The following S100Z variants were observed in gnomAD, a reference collection of about 807,000 sequenced individuals.
The protein encoded by S100Z is S100 calcium binding protein Z.
Under a neutral mutation model 8.5 loss-of-function variants are expected in S100Z, and 11 were observed. The ratio of observed to expected loss-of-function variants is 1.30; its 90% CI spans 0.82 to 2.15. The LOEUF (loss-of-function observed/expected upper bound fraction) is 2.15. Among genes scored for constraint, S100Z ranks in the 30% most tolerant of loss-of-function variants. S100Z has a pLI of 0.00. For missense variants in S100Z, 126 were observed against 117.9 expected (o/e 1.07, Z -0.32); for synonymous variants, 34 against 43.8 (o/e 0.78, Z 0.89).
intron 1 of S100Z, among the ~76,000 whole-genome samples, chr5:76,860,477 G>C (rs1751024116): frequency 6.6e-6 from 1 of 152,108 alleles, no homozygotes; most frequent in Admixed American, 6.5e-5. Context: ...CTGCTCAAGA[G>C]GGGCTGATGG....
chr5:76,855,362 G>A (rs551006365), intron 1 of S100Z, among the ~76,000 whole-genome samples: 44 of 152,288 alleles, frequency 2.9e-4, no homozygotes, highest in African/African-American at 1.0e-3. Context: ...GAAAACAGAT[G>A]CCAGCCTGTG....
chr5:76,902,279 A>G (rs1166855010), intron 4 of S100Z, among the ~76,000 whole-genome samples: 1 of 152,176 alleles, frequency 6.6e-6, no homozygotes, highest in Non-Finnish European at 1.5e-5. Context: ...GTTCAGTCAC[A>G]GGACTCACTG....
chr5:76,902,658 G>GT (rs59812378), intron 4 of S100Z, among the ~76,000 whole-genome samples: 8 of 146,996 alleles, frequency 5.4e-5, no homozygotes, highest in Admixed American at 1.4e-4. Context: ...GTTGTTGTTT[G>GT]TTTTTTTTTC....
intron 4 of S100Z, among the ~76,000 whole-genome samples, chr5:76,898,895 T>C (rs1006863866): frequency 6.6e-6 from 1 of 151,820 alleles, no homozygotes; most frequent in Admixed American, 6.6e-5. Flanking sequence ...TTTGATAGAA[T>C]TCATCAGTGA....
At chr5:76,856,385 A>AG (rs1429490887) in intron 1 of S100Z, among the ~76,000 whole-genome samples, 2 of 152,162 alleles carry the variant, frequency 1.3e-5, no homozygotes, top group Non-Finnish European at 2.9e-5. Flanking sequence ...TTTTTAGTAG[A>AG]GATGGGGTTT....
chr5:76,922,328 G>A (rs1426078139), downstream of S100Z, among the ~76,000 whole-genome samples: 1 of 152,200 alleles, frequency 6.6e-6, no homozygotes, highest in East Asian at 1.9e-4. Flanking sequence ...GATGTTGGAA[G>A]TCATCACCAT....
chr5:76,928,659 T>C, the S100Z span, among the ~76,000 whole-genome samples: 1 of 152,242 alleles, frequency 6.6e-6, no homozygotes, highest in Admixed American at 6.5e-5. Context: ...TCTTTTCATA[T>C]CCAGATGGGA....
At chr5:76,863,629 C>T (rs924997159) in intron 1 of S100Z, among the ~76,000 whole-genome samples, 2 of 152,190 alleles carry the variant, frequency 1.3e-5, no homozygotes, top group Admixed American at 6.5e-5. Context: ...AGCTCCGCCT[C>T]CCGGGTTCAC....
chr5:76,949,392 A>G, the S100Z span, among the ~76,000 whole-genome samples: 3 of 152,064 alleles, frequency 2.0e-5, no homozygotes, highest in South Asian at 4.1e-4. Context: ...CCATCTCAAA[A>G]AAAAAATAAT....
chr5:76,876,308 T>C (rs767313530), intron 3 of S100Z, among the ~76,000 whole-genome samples: 5 of 152,142 alleles, frequency 3.3e-5, no homozygotes, highest in Non-Finnish European at 7.4e-5. Context: ...TTCACGACAT[T>C]TTTATAGTGA....
At chr5:76,922,022 C>T (rs1406330049), downstream of S100Z, among the ~76,000 whole-genome samples, 2 of 151,610 alleles carry the variant, frequency 1.3e-5, no homozygotes, top group Non-Finnish European at 2.9e-5. Context: ...AAAGCAAATC[C>T]TAGGTACCAT....
intron 4 of S100Z, among the ~76,000 whole-genome samples, chr5:76,894,922 T>C (rs1438216659): frequency 6.6e-6 from 1 of 152,166 alleles, no homozygotes; most frequent in Non-Finnish European, 1.5e-5. Flanking sequence ...ATTTTGATGT[T>C]TCAACAATGA....
intron 4 of S100Z, among the ~76,000 whole-genome samples, chr5:76,906,976 G>GTATATATA (rs869046562): frequency 1.1e-3 from 24 of 21,754 alleles, no homozygotes; most frequent in Non-Finnish European, 1.6e-3. Context: ...TTGTGTGTGT[G>GTATATATA]TATATATATA....
chr5:76,875,523 C>G (rs752179841), intron 3 of S100Z, 23 bp downstream of exon 3: 1 of 1,588,170 alleles, frequency 6.3e-7, no homozygotes, highest in African/African-American at 1.4e-5. Context: ...TTTGTAAATG[C>G]TGTATTCATT....
In S100Z at chr5:76,875,512, C is replaced by G. The variant is rs201885364; in HGVS notation, c.141+12C>G. On this transcript the variant is annotated intron_variant, in intron 3 of 4. Transcript: ENST00000317593. ...CGGAATTCCTCTCGGTGAGTCAGGC[C>G]TTTGTAAATGCTGTATTCATTTGAG... The G allele has an allele frequency of 6.3e-7, 1 of 1,598,136 alleles. No homozygotes were observed. The highest frequency in any genetic ancestry group is 2.2e-5 in the East Asian group (1 of 44,600).
chr5:76,864,670 C>G (rs1407308391), intron 1 of S100Z, among the ~76,000 whole-genome samples: 1 of 152,020 alleles, frequency 6.6e-6, no homozygotes, highest in Non-Finnish European at 1.5e-5. Context: ...TCCCAGAGTG[C>G]TGGGATTATA....
chr5:76,872,557 T>A (rs529831679), intron 2 of S100Z, among the ~76,000 whole-genome samples: 54 of 150,076 alleles, frequency 3.6e-4, no homozygotes, highest in African/African-American at 1.3e-3. Context: ...GCTACTCAGG[T>A]GGCTGAAGCA....
intron 2 of S100Z, among the ~76,000 whole-genome samples, chr5:76,871,520 C>CTTT (rs565094996): frequency 4.8e-5 from 6 of 125,126 alleles, no homozygotes; most frequent in African/African-American, 1.2e-4. Context: ...ATCAGAAACT[C>CTTT]TTTTTTTTTT....
chr5:76,883,096 G>T (rs924631558), intron 4 of S100Z, among the ~76,000 whole-genome samples: 14 of 152,152 alleles, frequency 9.2e-5, no homozygotes, highest in Admixed American at 7.2e-4. Context: ...GTGATAACAG[G>T]CTTTAATCCT....
Sources: gnomAD v4.1 joint callset for allele counts (sites outside exome capture counted in the v4.1 genomes callset) on GRCh38, gnomAD v4.1.1 for gene constraint, MANE v1.5 for transcripts, NCBI Gene and HGNC (gene_info 2026-07-23, HGNC 2026-07-21) for gene names.